Variants in TEKT5 observed in about 807,000 individuals in gnomAD.
The protein encoded by TEKT5 is tektin-5.
TEKT5 carries 52 observed loss-of-function variants against 48.7 expected under a neutral mutation model. The observed-to-expected ratio is 1.07, with a 90% CI of 0.86 to 1.35. TEKT5 has a LOEUF of 1.35. Among genes scored for constraint, TEKT5 ranks in the 40% most tolerant of loss-of-function variants. The pLI, the probability that TEKT5 is intolerant of heterozygous loss-of-function variation, is 0.00. For missense variants in TEKT5, 831 were observed against 641.6 expected, an observed-to-expected ratio of 1.30 and a Z score of -3.19; for synonymous variants, 318 against 267.6, an observed-to-expected ratio of 1.19 and a Z score of -1.84.
intron 6 of TEKT5, among the ~76,000 whole-genome samples, chr16:10,632,996 G>A (rs1297387853): frequency 6.6e-6 from 1 of 152,020 alleles, no homozygotes; most frequent in Non-Finnish European, 1.5e-5. Context: ...AACGGGAAAC[G>A]GGAAGGCAGA....
In TEKT5 at chr16:10,627,611, C is replaced by T. The variant is rs1228024732; in HGVS notation, c.1430G>A (p.Cys477Tyr). 1 of 1,614,174 alleles carries T rather than the reference C, an allele frequency of 6.2e-7. No homozygotes were observed. Among genetic ancestry groups the T allele is most frequent in the Non-Finnish European group, 8.5e-7 (1 of 1,180,012 alleles). The change falls in exon 7 of 7, where the codon TGC becomes TAC. Residue 477 changes from cysteine (C) to tyrosine (Y), a missense_variant. By Grantham distance (194) the Cys-to-Tyr change is radical (BLOSUM62 -2). Transcript: ENST00000283025. ...KCMGMRKTFPCTPRLVGHT is the reference protein window; with the variant it reads ...KCMGMRKTFPYTPRLVGHT ...GGTGTGGCCCACCAGGCGCGGGGTG[C>T]AGGGGAAGGTCTTACGCATGCCCAT...
chr16:10,674,786 C>T (rs553869689), intron 5 of TEKT5, among the ~76,000 whole-genome samples: 1 of 151,936 alleles, frequency 6.6e-6, no homozygotes, highest in East Asian at 1.9e-4. Flanking sequence ...CACTAATCCC[C>T]CCAAAGATAG....
At chr16:10,659,792 A>T (rs1318129218) in intron 5 of TEKT5, among the ~76,000 whole-genome samples, 1 of 152,218 alleles carries the variant, frequency 6.6e-6, no homozygotes, top group Non-Finnish European at 1.5e-5. Flanking sequence ...TAAAGGTGAA[A>T]GGTGAATGGG....
chr16:10,627,533 C>G lies in TEKT5; in HGVS notation c.*50G>C, dbSNP rs1897768910. On this transcript the variant is annotated 3_prime_UTR_variant, in exon 7 of 7. Transcript: ENST00000283025. The stretch of plus-strand genomic sequence containing the variant: ...CAAAATACTGTTTTACTTTGTTTCT[C>G]AGCCTTTTCCAATTTTACGCCAGCG... 6.3e-7 allele frequency: 1 copy of G among 1,591,860 alleles called. No individual in the cohort carries two copies. Among genetic ancestry groups the G allele is most frequent in the Admixed American group, 1.7e-5 (1 of 59,728 alleles).
At chr16:10,682,592 G>A (rs1898776011) in intron 3 of TEKT5, among the ~76,000 whole-genome samples, 1 of 152,172 alleles carries the variant, frequency 6.6e-6, no homozygotes, top group Non-Finnish European at 1.5e-5. Flanking sequence ...TTTCCCAAAG[G>A]GTTGAGATTA....
intron 5 of TEKT5, among the ~76,000 whole-genome samples, chr16:10,639,493 T>A (rs1897961278): frequency 6.6e-6 from 1 of 152,178 alleles, no homozygotes; most frequent in Non-Finnish European, 1.5e-5. Context: ...ACCTTGGGCA[T>A]CCATGTCCTT....
chr16:10,637,429 A>T (rs1009282172), intron 5 of TEKT5, among the ~76,000 whole-genome samples: 5 of 147,970 alleles, frequency 3.4e-5, no homozygotes, highest in Non-Finnish European at 7.5e-5. Flanking sequence ...GAATGCAAGA[A>T]GGGAGGGAGG....
intron 5 of TEKT5, among the ~76,000 whole-genome samples, chr16:10,668,899 G>T (rs1898506544): frequency 6.6e-6 from 1 of 151,916 alleles, no homozygotes; most frequent in Admixed American, 6.6e-5. Flanking sequence ...AATAGGGAGT[G>T]GTGGGGTCTG....
intron 3 of TEKT5, 49 bp downstream of exon 3, chr16:10,689,204 C>G: frequency 6.5e-7 from 1 of 1,528,846 alleles, no homozygotes; most frequent in Non-Finnish European, 8.9e-7. Flanking sequence ...TCTGAGAGTC[C>G]TAAAACAAAC....
chr16:10,657,484 G>A (rs189280985), intron 5 of TEKT5, among the ~76,000 whole-genome samples: 281 of 152,224 alleles, frequency 1.8e-3, no homozygotes, highest in Admixed American at 4.3e-3. Flanking sequence ...TAAGACAGTA[G>A]AGAAATAGGA....
At chr16:10,637,340 T>TA (rs1897930015) in intron 5 of TEKT5, among the ~76,000 whole-genome samples, 3 of 130,520 alleles carry the variant, frequency 2.3e-5, no homozygotes, top group African/African-American at 3.4e-5. Flanking sequence ...CCAGCCCGCT[T>TA]TAAAAAAAAA....
At chr16:10,664,886 C>T (rs1226030191) in intron 5 of TEKT5, among the ~76,000 whole-genome samples, 3 of 152,188 alleles carry the variant, frequency 2.0e-5, no homozygotes, top group African/African-American at 4.8e-5. Context: ...GTCATTATCA[C>T]TAAGGGATGG....
intron 5 of TEKT5, among the ~76,000 whole-genome samples, chr16:10,646,904 C>T (rs12926860): frequency 0.29 from 44,448 of 152,128 alleles, 8,347 homozygotes; most frequent in African/African-American, 0.52. Flanking sequence ...ACACTCAATG[C>T]GGCAACACCT....
chr16:10,674,825 AT>A (rs58966813), intron 5 of TEKT5, among the ~76,000 whole-genome samples: 4,819 of 140,694 alleles, frequency 0.034, 174 homozygotes, highest in East Asian at 0.18. Flanking sequence ...CACAGTTCTT[AT>A]TTTTTTTTTT....
intron 5 of TEKT5, among the ~76,000 whole-genome samples, chr16:10,642,480 C>T (rs561923176): frequency 1.3e-5 from 2 of 152,244 alleles, no homozygotes; most frequent in Admixed American, 1.3e-4. Context: ...GAAACCATAA[C>T]AAAGGCTCCT....
rs370517764 is a variant in TEKT5, at chr16:10,689,894, C to A, written c.648+48G>T. 34 of 1,593,430 alleles carry A rather than the reference C, an allele frequency of 2.1e-5. No individual in the cohort carries two copies. The African/African-American group carries it at 4.0e-4, about 19-fold the overall frequency. On this transcript the variant is annotated intron_variant, in intron 2 of 6. Transcript: ENST00000283025. ...CTCAGTAATTTCTCTGACCTGCTGG[C>A]CTTCCCGCCTCCTTCAGGGGGCTGG...
chr16:10,635,438 A>G (rs375691505), intron 6 of TEKT5, among the ~76,000 whole-genome samples: 3 of 152,238 alleles, frequency 2.0e-5, no homozygotes, highest in South Asian at 2.1e-4. Flanking sequence ...GGAGGCGACC[A>G]TTCATTGCCT....
intron 4 of TEKT5, among the ~76,000 whole-genome samples, chr16:10,678,557 A>C (rs756646292): frequency 6.6e-6 from 1 of 152,226 alleles, no homozygotes; most frequent in South Asian, 2.1e-4. Flanking sequence ...GCACTAAGTC[A>C]GGTTCAGAGC....
At chr16:10,646,786 G>A (rs902211672) in intron 5 of TEKT5, among the ~76,000 whole-genome samples, 3 of 152,202 alleles carry the variant, frequency 2.0e-5, no homozygotes, top group Non-Finnish European at 2.9e-5. Context: ...CTAGGAAGGA[G>A]GCCAGCCCTT....
Sources: gnomAD v4.1 joint callset for allele counts (sites outside exome capture counted in the v4.1 genomes callset) on GRCh38, gnomAD v4.1.1 for gene constraint, MANE v1.5 for transcripts, NCBI Gene and HGNC (gene_info 2026-07-23, HGNC 2026-07-21) for gene names.